The following PDILT variants were observed in gnomAD, a reference collection of about 807,000 sequenced individuals.
The protein encoded by PDILT is protein disulfide-isomerase-like protein of the testis.
PDILT carries 43 observed loss-of-function variants against 53.7 expected under a neutral mutation model. The observed-to-expected ratio is 0.80, with a 90% CI of 0.63 to 1.03. The LOEUF (loss-of-function observed/expected upper bound fraction) is 1.03, where lower values mean the gene tolerates loss of function less well. PDILT is among the 50% of genes least tolerant of loss of function. The probability of loss-of-function intolerance (pLI) is 0.00; values close to 1 mark genes in which losing one functional copy is unlikely to be tolerated. For synonymous variants in PDILT, 282 were observed against 274.2 expected (o/e 1.03, Z -0.28); for missense variants, 727 against 712.3 (o/e 1.02, Z -0.24).
chr16:20,385,624 T>C lies in PDILT; in HGVS notation c.203-773A>G, dbSNP rs184428979. ...TGCAGGGTGAGGGATCAAAAAAAAC[T>C]GCATATTGGGTAGAAAGAACATGAC... On this transcript the variant is annotated intron_variant, in intron 2 of 11. Coordinates refer to ENST00000302451, the MANE Select transcript of PDILT (RefSeq NM_174924.2). Among the ~76,000 whole-genome samples, 422 of 152,138 alleles carry C rather than the reference T, an allele frequency of 2.8e-3. 1 individual carries two copies. The highest frequency in any genetic ancestry group is 3.8e-3 in the Non-Finnish European group (258 of 67,994).
chr16:20,359,291 A>G lies in PDILT; in HGVS notation c.*28T>C, dbSNP rs1966062469. ...AAATGATGCCAGGATCTGGAAAATA[A>G]GCATCTTTTTTCCTGGTATTGGAGA... On this transcript the variant is annotated 3_prime_UTR_variant, in exon 12 of 12. Coordinates refer to ENST00000302451, the MANE Select transcript of PDILT (RefSeq NM_174924.2). The G allele has an allele frequency of 6.2e-7, 1 of 1,606,294 alleles. No homozygotes were observed. The highest frequency in any genetic ancestry group is 1.7e-5 in the Admixed American group (1 of 58,590).
chr16:20,360,624 C>A lies in PDILT; in HGVS notation c.1450G>T (p.Gly484Cys). The change falls in exon 11 of 12, where the codon GGC becomes TGC. Residue 484 changes from glycine (G) to cysteine (C), a missense_variant. Transcript: ENST00000302451. Reference sequence around the variant, plus strand: ...TGGCTTTCCAGGAAGTCAGAGAAGCCCTTCAGGGTGTGTTCTCCCTTATAC... The same window carrying A: ...TGGCTTTCCAGGAAGTCAGAGAAGCACTTCAGGGTGTGTTCTCCCTTATAC... ...VLYKGEHTLK[G>C]FSDFLESHIK... 1 of 1,614,040 alleles carries A rather than the reference C, an allele frequency of 6.2e-7. No individual in the cohort carries two copies. Among genetic ancestry groups the A allele is most frequent in the Non-Finnish European group, 8.5e-7 (1 of 1,179,938 alleles).
At position 20,384,687 on chromosome 16, in the gene PDILT, G is replaced by A. The variant is rs142965458; in HGVS notation, c.367C>T (p.Leu123=). ...FGITKAPELK[L]FFEGNRSEPI... is the part of the protein sequence containing the mutation. ...TCTGACCTGTTGCCCTCAAAAAACA[G>A]CTTCAACTCCGGGGCCTTGGTAATC... Residue 123 remains leucine (L), a synonymous_variant, in exon 3 of 12, where the codon CTG becomes TTG. Transcript: ENST00000302451. 64 of 1,614,076 alleles carry A rather than the reference G, an allele frequency of 4.0e-5. No homozygotes were observed. Among genetic ancestry groups the A allele is most frequent in the Non-Finnish European group, 5.1e-5 (60 of 1,180,038 alleles).
At chr16:20,389,807 A>G (rs1423392242) in intron 2 of PDILT, among the ~76,000 whole-genome samples, 4 of 152,146 alleles carry the variant, frequency 2.6e-5, no homozygotes, top group African/African-American at 7.2e-5. Context: ...GGTGATGAGT[A>G]TAGGGACTGG....
intron 4 of PDILT, 138 bp downstream of exon 4, chr16:20,375,930 G>A: frequency 9.4e-7 from 1 of 1,067,500 alleles, no homozygotes; most frequent in Non-Finnish European, 1.3e-6. Context: ...TTGAACCCTT[G>A]GAGCTTCCCC....
At chr16:20,371,912 G>A (rs1441243640) in intron 7 of PDILT, among the ~76,000 whole-genome samples, 1 of 151,872 alleles carries the variant, frequency 6.6e-6, no homozygotes, top group Non-Finnish European at 1.5e-5. Context: ...AAAATAATGT[G>A]GTGGAATGTA....
At chr16:20,394,371 T>G (rs1966638512) in intron 2 of PDILT, among the ~76,000 whole-genome samples, 1 of 152,172 alleles carries the variant, frequency 6.6e-6, no homozygotes, top group African/African-American at 2.4e-5. Context: ...TTTCAAGGCT[T>G]TTATAGCAAA....
At chr16:20,361,419 G>A (rs1013614507) in intron 10 of PDILT, among the ~76,000 whole-genome samples, 8 of 151,938 alleles carry the variant, frequency 5.3e-5, no homozygotes, top group Non-Finnish European at 8.8e-5. Flanking sequence ...TCTTGACCTC[G>A]TGATCCAACT....
At chr16:20,383,096 G>T (rs1966484064) in intron 3 of PDILT, among the ~76,000 whole-genome samples, 1 of 152,162 alleles carries the variant, frequency 6.6e-6, no homozygotes, top group Admixed American at 6.5e-5. Context: ...GAGGTCCCAG[G>T]CACTGGTTTC....
intron 8 of PDILT, among the ~76,000 whole-genome samples, chr16:20,368,483 A>G (rs1009545584): frequency 1.3e-5 from 2 of 152,112 alleles, no homozygotes; most frequent in African/African-American, 2.4e-5. Context: ...AGAAAAGGCT[A>G]TAGGGGCAGC....
chr16:20,373,684 G>A (rs947126248), intron 5 of PDILT, among the ~76,000 whole-genome samples: 36 of 152,286 alleles, frequency 2.4e-4, no homozygotes, highest in African/African-American at 8.7e-4. Flanking sequence ...GCCAATCAAA[G>A]GTGGCCAACT....
At position 20,399,235 on chromosome 16, in the gene PDILT, T is replaced by A. The variant is rs773451028; in HGVS notation, c.66A>T (p.Pro22=). ...AACVSAVHSS[P]EVNAGVSSIH... ...TGCTGGAAACACCGGCGTTAACCTC[T>A]GGTGAGCTGTGGACAGCAGAGACAC... is the stretch of plus-strand genomic sequence containing the variant. Residue 22 remains proline (P), a synonymous_variant, in exon 2 of 12, where the codon CCA becomes CCT. Coordinates refer to ENST00000302451, the MANE Select transcript of PDILT (RefSeq NM_174924.2). The A allele has an allele frequency of 5.6e-6, 9 of 1,614,096 alleles. No individual in the cohort carries two copies. Among genetic ancestry groups the A allele is most frequent in the Non-Finnish European group, 7.6e-6 (9 of 1,179,952 alleles).
At position 20,367,087 on chromosome 16, in the gene PDILT, CT is replaced by C. The variant is rs1366207347; in HGVS notation, c.1117-1548del. On this transcript the variant is annotated intron_variant, in intron 8 of 11. Transcript: ENST00000302451. ...TCTTTCTTTCTTTCTTTCTTTCTTT[CT>C]TTCTTTCTTTCTTTCTTCCTTTCTT... is the stretch of plus-strand genomic sequence containing the variant. Among the ~76,000 whole-genome samples the C allele has an allele frequency of 3.7e-3, 381 of 103,428 alleles. 6 individuals are homozygous for C. The highest frequency in any genetic ancestry group is 0.012 in the African/African-American group (286 of 23,752). The allele number at this position is 103,428 out of a possible 152,430, so 67.9% of individuals were successfully genotyped here.
chr16:20,371,546 G>C (rs1252433017), intron 7 of PDILT, among the ~76,000 whole-genome samples: 2 of 152,208 alleles, frequency 1.3e-5, no homozygotes, highest in Admixed American at 1.3e-4. Context: ...AGGTGAACAA[G>C]ATAAGAGGTG....
intron 3 of PDILT, among the ~76,000 whole-genome samples, chr16:20,381,159 A>G (rs988200736): frequency 6.6e-6 from 1 of 152,190 alleles, no homozygotes; most frequent in African/African-American, 2.4e-5. Context: ...CCTGCCATCA[A>G]TCCTTGGAGA....
intron 3 of PDILT, among the ~76,000 whole-genome samples, chr16:20,383,239 G>A (rs1446226813): frequency 6.6e-6 from 1 of 152,150 alleles, no homozygotes; most frequent in Non-Finnish European, 1.5e-5. Flanking sequence ...CTTCAGGAGG[G>A]AAGGTCATTG....
intron 3 of PDILT, among the ~76,000 whole-genome samples, chr16:20,377,573 T>C (rs1052103945): frequency 6.6e-6 from 1 of 152,182 alleles, no homozygotes; most frequent in Admixed American, 6.5e-5. Flanking sequence ...GAAATCAAAG[T>C]TCTGCGAGTC....
At chr16:20,387,354 G>A (rs941237759) in intron 2 of PDILT, among the ~76,000 whole-genome samples, 16 of 152,190 alleles carry the variant, frequency 1.1e-4, no homozygotes, top group African/African-American at 2.9e-4. Flanking sequence ...AAATGAGAGC[G>A]CAAGCCATGT....
chr16:20,378,103 G>T (rs1271265695), intron 3 of PDILT, among the ~76,000 whole-genome samples: 1 of 152,206 alleles, frequency 6.6e-6, no homozygotes, highest in East Asian at 1.9e-4. Context: ...AATGCACCCT[G>T]AGCTACTAAA....
Sources: allele counts gnomAD v4.1 joint callset (sites outside exome capture counted in the v4.1 genomes callset), GRCh38; gene constraint gnomAD v4.1.1; transcripts MANE v1.5; gene names NCBI Gene and HGNC (gene_info 2026-07-23, HGNC 2026-07-21).